The following LRMDA variants were observed in gnomAD, a reference collection of about 807,000 sequenced individuals.
The protein encoded by LRMDA is leucine-rich melanocyte differentiation-associated protein.
In LRMDA, 18 loss-of-function variants were observed where a neutral mutation model predicts 29.8. The observed-to-expected ratio is 0.60, with a 90% CI of 0.42 to 0.90. The LOEUF (loss-of-function observed/expected upper bound fraction) is 0.90, where lower values mean the gene tolerates loss of function less well. Ranked by LOEUF, LRMDA falls within the 40% of genes least tolerant of loss-of-function variation. The probability of loss-of-function intolerance (pLI) is 0.00; values close to 1 mark genes in which losing one functional copy is unlikely to be tolerated. For synonymous variants in LRMDA, 125 were observed against 109.4 expected, an observed-to-expected ratio of 1.14 and a Z score of -0.89; for missense variants, 273 against 273.9, an observed-to-expected ratio of 1.00 and a Z score of 0.02.
At chr10:75,562,311 T>C (rs1455786520) in intron 2 of LRMDA, among the ~76,000 whole-genome samples, 1 of 152,124 alleles carries the variant, frequency 6.6e-6, no homozygotes, top group East Asian at 1.9e-4. Context: ...CTTTTGATCT[T>C]TGTTGGTTTA....
intron 2 of LRMDA, among the ~76,000 whole-genome samples, chr10:75,498,245 TC>T (rs1845070650): frequency 6.6e-6 from 1 of 152,200 alleles, no homozygotes. Context: ...CTAGTCAAAA[TC>T]TTATGGGGCT....
intron 5 of LRMDA, among the ~76,000 whole-genome samples, chr10:76,149,408 AT>A (rs1850396004): frequency 6.6e-6 from 1 of 152,012 alleles, no homozygotes. Context: ...TGAAAACCTC[AT>A]TTTTCAGTGT....
intron 2 of LRMDA, among the ~76,000 whole-genome samples, chr10:75,881,543 T>C (rs1845293780): frequency 6.6e-6 from 1 of 152,176 alleles, no homozygotes; most frequent in Non-Finnish European, 1.5e-5. Context: ...GTACCTCTGA[T>C]TGATGGCTTT....
At chr10:75,600,528 T>C (rs559566688) in intron 2 of LRMDA, among the ~76,000 whole-genome samples, 3 of 152,292 alleles carry the variant, frequency 2.0e-5, no homozygotes, top group Middle Eastern at 3.4e-3. Context: ...GATGTGGTGC[T>C]GGCTCTTGTT....
At chr10:76,072,183 A>T (rs984443173) in intron 5 of LRMDA, among the ~76,000 whole-genome samples, 5 of 152,196 alleles carry the variant, frequency 3.3e-5, no homozygotes, top group Non-Finnish European at 1.5e-5. Context: ...AGCCCCTGCC[A>T]CAAGAGCAGT....
At chr10:75,558,668 C>T (rs1476834723) in intron 2 of LRMDA, among the ~76,000 whole-genome samples, 3 of 149,374 alleles carry the variant, frequency 2.0e-5, no homozygotes. Context: ...TCTCCTAATG[C>T]TATCCCTCCC....
chr10:76,151,105 C>T (rs1036073020), intron 5 of LRMDA, among the ~76,000 whole-genome samples: 10 of 152,106 alleles, frequency 6.6e-5, no homozygotes, highest in South Asian at 2.1e-4. Context: ...CAGCTTCAGA[C>T]GTAGGGCTCA....
chr10:75,700,352 T>C lies in LRMDA; in HGVS notation c.131+261858T>C. Among the ~76,000 whole-genome samples the C allele has an allele frequency of 1.3e-5, 2 of 151,762 alleles. 1 individual carries two copies. Among genetic ancestry groups the C allele is most frequent in the Middle Eastern group, 6.8e-3 (2 of 294 alleles). ...GTCTAATGAAAAAAATATAAAGCAG[T>C]ATATATATTATTTGGTGAGTGCAAA... On this transcript the variant is annotated intron_variant, in intron 2 of 6. Transcript: ENST00000611255.
chr10:76,446,935 T>C (rs1842359517), intron 6 of LRMDA, among the ~76,000 whole-genome samples: 1 of 152,230 alleles, frequency 6.6e-6, no homozygotes, highest in South Asian at 2.1e-4. Context: ...TTTCCTTAGT[T>C]ATGGAAAAGT....
intron 2 of LRMDA, among the ~76,000 whole-genome samples, chr10:75,530,675 A>G (rs1019664773): frequency 1.3e-5 from 2 of 152,154 alleles, no homozygotes; most frequent in Admixed American, 6.5e-5. Context: ...ATTCCCTCCC[A>G]CTAGGCCCTT....
intron 2 of LRMDA, among the ~76,000 whole-genome samples, chr10:75,559,524 C>T (rs1023481642): frequency 6.3e-4 from 95 of 150,926 alleles, no homozygotes; most frequent in African/African-American, 2.2e-3. Context: ...TGTGCAGAAG[C>T]TCTTGAGTTT....
intron 2 of LRMDA, among the ~76,000 whole-genome samples, chr10:75,732,703 C>T (rs918585625): frequency 6.6e-6 from 1 of 152,148 alleles, no homozygotes; most frequent in South Asian, 2.1e-4. Flanking sequence ...GTTCACAGCT[C>T]ACCACGAACA....
intron 5 of LRMDA, among the ~76,000 whole-genome samples, chr10:76,302,546 G>A (rs1399153230): frequency 1.3e-5 from 2 of 152,132 alleles, no homozygotes; most frequent in Middle Eastern, 3.4e-3. Flanking sequence ...GGTGGTGGTG[G>A]GGATTCTGTT....
At chr10:75,771,872 G>A (rs910492618) in intron 2 of LRMDA, among the ~76,000 whole-genome samples, 4 of 152,226 alleles carry the variant, frequency 2.6e-5, no homozygotes, top group Non-Finnish European at 4.4e-5. Context: ...GATTCAGCCC[G>A]TCTTGCAGCT....
chr10:75,551,386 C>T lies in LRMDA; in HGVS notation c.131+112892C>T, dbSNP rs528878402. Among the ~76,000 whole-genome samples the T allele has an allele frequency of 7.2e-4, 110 of 151,988 alleles. 1 individual carries two copies. Among genetic ancestry groups the T allele is most frequent in the South Asian group, 2.3e-3 (11 of 4,796 alleles). On this transcript the variant is annotated intron_variant, in intron 2 of 6. Transcript: ENST00000611255. ...TTCTGGGGTACATGTGCAGAACATA[C>T]GGGTTTGTTACATAGGTATACACGT...
At chr10:76,424,548 A>G (rs1454620038) in intron 6 of LRMDA, among the ~76,000 whole-genome samples, 1 of 152,064 alleles carries the variant, frequency 6.6e-6, no homozygotes, top group Non-Finnish European at 1.5e-5. Flanking sequence ...CAAAAAACAA[A>G]AACAAAAACA....
chr10:76,136,981 C>T (rs1166986016), intron 5 of LRMDA, among the ~76,000 whole-genome samples: 3 of 152,198 alleles, frequency 2.0e-5, no homozygotes, highest in Non-Finnish European at 2.9e-5. Context: ...GCAATGCCTG[C>T]CTAGCCCTCC....
chr10:76,042,174 C>T (rs1195910195), intron 3 of LRMDA, among the ~76,000 whole-genome samples: 5 of 152,154 alleles, frequency 3.3e-5, no homozygotes, highest in Admixed American at 1.3e-4. Flanking sequence ...AGCATAAAGG[C>T]GAAGGACTGG....
intron 6 of LRMDA, among the ~76,000 whole-genome samples, chr10:76,371,738 G>A (rs1281416165): frequency 6.6e-6 from 1 of 152,192 alleles, no homozygotes; most frequent in Non-Finnish European, 1.5e-5. Flanking sequence ...TAGGGGAAGA[G>A]AAGAGAAGTA....
Sources: allele counts gnomAD v4.1 joint callset (sites outside exome capture counted in the v4.1 genomes callset), GRCh38; gene constraint gnomAD v4.1.1; transcripts MANE v1.5; gene names NCBI Gene and HGNC (gene_info 2026-07-23, HGNC 2026-07-21).